TRMT11: variants seen among roughly 807,000 people sequenced by gnomAD.
TRMT11 encodes tRNA methyltransferase 11.
In TRMT11, 53 loss-of-function variants were observed where a neutral mutation model predicts 62.8. That is an observed-to-expected ratio of 0.84 (90% confidence interval 0.68 to 1.06). TRMT11 has a LOEUF of 1.06. Among genes scored for constraint, TRMT11 ranks in the 50% least tolerant of loss-of-function variants. The probability of loss-of-function intolerance (pLI) is 0.00; values close to 1 mark genes in which losing one functional copy is unlikely to be tolerated. For missense variants in TRMT11, 556 were observed against 553.4 expected (o/e 1.00, Z -0.05); for synonymous variants, 188 against 190.3 (o/e 0.99, Z 0.10).
chr6:126,199,964 A>G (rs548859217), intron 3 of TRMT11: 3 of 152,344 alleles, frequency 2.0e-5, no homozygotes, highest in African/African-American at 4.8e-5. Context: ...ATGAAATGCA[A>G]TGCACTGATG....
At chr6:126,262,053 C>T in the TRMT11 span, among the ~76,000 whole-genome samples, 11 of 152,244 alleles carry the variant, frequency 7.2e-5, no homozygotes, top group East Asian at 3.9e-4. Flanking sequence ...AGCATTGCTG[C>T]GGGACCAGCT....
chr6:126,123,979 T>C (rs1051108910), intron 21 of TRMT11, among the ~76,000 whole-genome samples: 9 of 152,028 alleles, frequency 5.9e-5, no homozygotes, highest in Non-Finnish European at 1.0e-4. Flanking sequence ...ATTTAAGAGA[T>C]GATTTACTTA....
chr6:126,179,927 T>G (rs1456362580), intron 1 of TRMT11, among the ~76,000 whole-genome samples: 1 of 152,188 alleles, frequency 6.6e-6, no homozygotes, highest in East Asian at 1.9e-4. Flanking sequence ...GCTTATTGAA[T>G]TTTTTTCAAT....
intron 3 of TRMT11, 64 bp downstream of exon 3, chr6:125,996,104 T>G: frequency 8.6e-7 from 1 of 1,166,760 alleles, no homozygotes; most frequent in Non-Finnish European, 1.3e-6. Context: ...CTCAATCCTG[T>G]TTTTTGCTAT....
intron 2 of TRMT11, among the ~76,000 whole-genome samples, chr6:125,994,816 A>C (rs1474471106): frequency 6.6e-6 from 1 of 152,258 alleles, no homozygotes; most frequent in Non-Finnish European, 1.5e-5. Flanking sequence ...GAATGAGATC[A>C]TGTCCTTTGC....
chr6:125,992,939 C>G (rs1018205591), intron 1 of TRMT11, among the ~76,000 whole-genome samples: 1 of 152,136 alleles, frequency 6.6e-6, no homozygotes, highest in South Asian at 2.1e-4. Flanking sequence ...ACTTCTCATT[C>G]TTCTTGGTCT....
At position 126,015,087 on chromosome 6, in the gene TRMT11, A is replaced by T. The variant is rs543478368; in HGVS notation, c.1139+1986A>T. Among the ~76,000 whole-genome samples, 34 of 152,208 alleles carry T rather than the reference A, an allele frequency of 2.2e-4. No homozygotes were observed. The South Asian group carries it at 6.6e-3, about 30-fold the overall frequency. ...ATTCAAGTTGTAGGGCTAAAATAAA[A>T]AAAAAAAAATACTGTGAAGTAATTT... On this transcript the variant is annotated intron_variant, in intron 11 of 12. Transcript: ENST00000334379.
the TRMT11 span, among the ~76,000 whole-genome samples, chr6:126,237,980 T>A: frequency 6.6e-6 from 1 of 152,222 alleles, no homozygotes; most frequent in African/African-American, 2.4e-5. Context: ...TTCTTCTAGA[T>A]TTTCTAGTTT....
chr6:126,088,092 T>TA (rs1224864650), intron 17 of TRMT11, among the ~76,000 whole-genome samples: 2 of 151,504 alleles, frequency 1.3e-5, no homozygotes, highest in African/African-American at 2.4e-5. Context: ...GCAATATTAG[T>TA]ATATAGTGTA....
At chr6:126,242,800 C>T in the TRMT11 span, among the ~76,000 whole-genome samples, 252 of 152,292 alleles carry the variant, frequency 1.7e-3, no homozygotes, top group Middle Eastern at 0.01. Flanking sequence ...GGACTAAAGA[C>T]TTAAATGTTA....
chr6:126,139,259 A>G (rs1163027469), intron 21 of TRMT11, among the ~76,000 whole-genome samples: 1 of 152,068 alleles, frequency 6.6e-6, no homozygotes, highest in Non-Finnish European at 1.5e-5. Context: ...TATGGCTACA[A>G]TCTCCTTTGA....
upstream of TRMT11, among the ~76,000 whole-genome samples, chr6:126,176,082 G>A (rs922985821): frequency 3.3e-5 from 5 of 152,140 alleles, no homozygotes; most frequent in Admixed American, 6.5e-5. Context: ...TCACTGAAAC[G>A]CCAATTTGTT....
At chr6:126,077,446 G>A (rs1224691158) in intron 17 of TRMT11, among the ~76,000 whole-genome samples, 1 of 152,098 alleles carries the variant, frequency 6.6e-6, no homozygotes, top group African/African-American at 2.4e-5. Flanking sequence ...CAAGGCACGT[G>A]GACACACAAA....
At chr6:126,085,430 G>A (rs755908322) in intron 17 of TRMT11, among the ~76,000 whole-genome samples, 1 of 152,026 alleles carries the variant, frequency 6.6e-6, no homozygotes, top group Non-Finnish European at 1.5e-5. Context: ...TTTTCTTTTG[G>A]TCTCTTGCTG....
At chr6:126,012,007 A>T (rs1034039413) in intron 9 of TRMT11, among the ~76,000 whole-genome samples, 7 of 152,180 alleles carry the variant, frequency 4.6e-5, no homozygotes, top group African/African-American at 1.2e-4. Context: ...TAGGCAGCCT[A>T]TCTAAGAATA....
chr6:125,995,758 G>A (rs1791398125), intron 2 of TRMT11, among the ~76,000 whole-genome samples: 1 of 152,074 alleles, frequency 6.6e-6, no homozygotes, highest in Non-Finnish European at 1.5e-5. Context: ...GGATATATTC[G>A]TTTATAGGGT....
chr6:126,186,394 G>A (rs1046827698), intron 1 of TRMT11, among the ~76,000 whole-genome samples: 5 of 151,932 alleles, frequency 3.3e-5, no homozygotes, highest in Non-Finnish European at 5.9e-5. Flanking sequence ...ATTCAACTTC[G>A]AAACAACCAA....
chr6:126,030,551 C>T (rs937758386), intron 12 of TRMT11, among the ~76,000 whole-genome samples: 4 of 152,190 alleles, frequency 2.6e-5, no homozygotes, highest in Non-Finnish European at 4.4e-5. Flanking sequence ...TGGTGGCTTT[C>T]ACTATGGTGA....
the TRMT11 span, among the ~76,000 whole-genome samples, chr6:126,209,681 G>A: frequency 3.9e-5 from 6 of 151,922 alleles, no homozygotes; most frequent in Non-Finnish European, 7.4e-5. Flanking sequence ...AGCTGAGATC[G>A]CATGCCACCG....
Sources: gnomAD v4.1 joint callset for allele counts (sites outside exome capture counted in the v4.1 genomes callset) on GRCh38, gnomAD v4.1.1 for gene constraint, MANE v1.5 for transcripts, NCBI Gene and HGNC (gene_info 2026-07-23, HGNC 2026-07-21) for gene names.